DYTN: variants seen among roughly 807,000 people sequenced by gnomAD.
DYTN encodes the protein dystrotelin.
DYTN carries 75 observed loss-of-function variants against 69.6 expected under a neutral mutation model. The observed-to-expected ratio is 1.08, with a 90% CI of 0.89 to 1.31. The LOEUF (loss-of-function observed/expected upper bound fraction) is 1.31. Among genes scored for constraint, DYTN ranks in the 50% most tolerant of loss-of-function variants. The probability of loss-of-function intolerance (pLI) is 0.00; values close to 1 mark genes in which losing one functional copy is unlikely to be tolerated. For synonymous variants in DYTN, 252 were observed against 249.1 expected, an observed-to-expected ratio of 1.01 and a Z score of -0.11; for missense variants, 726 against 688.4, an observed-to-expected ratio of 1.05 and a Z score of -0.61.
chr2:206,707,167 A>C (rs758485744), intron 3 of DYTN, 135 bp downstream of exon 3: 1 of 1,106,752 alleles, frequency 9.0e-7, no homozygotes, highest in Non-Finnish European at 1.3e-6. Context: ...CTGAGGAATA[A>C]ATTTGTGAAA....
At chr2:206,713,571 T>C (rs1387971536) in intron 1 of DYTN, among the ~76,000 whole-genome samples, 1 of 152,048 alleles carries the variant, frequency 6.6e-6, no homozygotes, top group African/African-American at 2.4e-5. Flanking sequence ...CTTTGTAAAG[T>C]TGAGGGCATG....
intron 9 of DYTN, among the ~76,000 whole-genome samples, chr2:206,689,372 T>C (rs1699841530): frequency 6.6e-6 from 1 of 152,228 alleles, no homozygotes; most frequent in African/African-American, 2.4e-5. Context: ...TTTTTTACTA[T>C]TATTACATTG....
At chr2:206,705,765 A>G in intron 4 of DYTN, 23 bp downstream of exon 4, 1 of 1,610,408 alleles carries the variant, frequency 6.2e-7, no homozygotes, top group Non-Finnish European at 8.5e-7. Flanking sequence ...ACTTTAGGAC[A>G]CCCGCAGTCC....
chr2:206,703,635 A>G (rs537981455), intron 5 of DYTN, among the ~76,000 whole-genome samples: 2 of 152,368 alleles, frequency 1.3e-5, no homozygotes, highest in Admixed American at 6.5e-5. Context: ...AAATCAAAGC[A>G]AAGATAATTC....
chr2:206,680,997 T>C (rs1476544072), intron 9 of DYTN, among the ~76,000 whole-genome samples: 1 of 152,220 alleles, frequency 6.6e-6, no homozygotes, highest in Non-Finnish European at 1.5e-5. Flanking sequence ...ATATTGGTTC[T>C]TCTATTCATG....
intron 2 of DYTN, among the ~76,000 whole-genome samples, chr2:206,709,943 GAAAAGA>G (rs1486171989): frequency 1.3e-5 from 2 of 151,988 alleles, no homozygotes; most frequent in Non-Finnish European, 2.9e-5. Context: ...AACAGTAGGA[GAAAAGA>G]AAAGAAAAGA....
chr2:206,701,007 A>C (rs1699971295), intron 5 of DYTN: 1 of 152,152 alleles, frequency 6.6e-6, no homozygotes, highest in Admixed American at 6.6e-5. Flanking sequence ...TATCTAGTCT[A>C]TCACTGATGG....
intron 9 of DYTN, among the ~76,000 whole-genome samples, chr2:206,672,286 A>G (rs1461698340): frequency 6.6e-6 from 1 of 152,238 alleles, no homozygotes; most frequent in Non-Finnish European, 1.5e-5. Context: ...AGCAACTTTA[A>G]TAATGAAGGT....
intron 1 of DYTN, among the ~76,000 whole-genome samples, chr2:206,717,043 AAC>A (rs71852382): frequency 0.58 from 83,693 of 143,674 alleles, 26,314 homozygotes; most frequent in Non-Finnish European, 0.72. Flanking sequence ...TGCCGATGCA[AAC>A]ACACACACAC....
chr2:206,652,243 T>A (rs1699395886), intron 11 of DYTN, among the ~76,000 whole-genome samples: 1 of 152,166 alleles, frequency 6.6e-6, no homozygotes, highest in African/African-American at 2.4e-5. Flanking sequence ...AAAACAGATT[T>A]CTGGACCACA....
chr2:206,673,016 T>C (rs1043169946), intron 9 of DYTN, among the ~76,000 whole-genome samples: 9 of 152,180 alleles, frequency 5.9e-5, no homozygotes, highest in Non-Finnish European at 1.2e-4. Context: ...GCTGTACAGA[T>C]TATTTCATCA....
intron 5 of DYTN, among the ~76,000 whole-genome samples, 169 bp downstream of exon 5, chr2:206,704,674 T>C (rs1414579984): frequency 1.3e-5 from 2 of 152,214 alleles, no homozygotes; most frequent in Non-Finnish European, 2.9e-5. Context: ...CATAACCTTA[T>C]GAGTATAAGT....
chr2:206,703,472 T>G (rs78552982), intron 5 of DYTN, among the ~76,000 whole-genome samples: 14,391 of 152,024 alleles, frequency 0.095, 762 homozygotes, highest in African/African-American at 0.11. Flanking sequence ...CAACTACCAG[T>G]GCAGCTCAGA....
intron 9 of DYTN, among the ~76,000 whole-genome samples, chr2:206,678,845 T>C (rs960696798): frequency 1.3e-5 from 2 of 152,246 alleles, no homozygotes; most frequent in African/African-American, 2.4e-5. Context: ...TATAGCACTT[T>C]GTGATTTGAG....
chr2:206,714,502 G>A lies in DYTN; in HGVS notation c.19+3759C>T, dbSNP rs958917138. Among the ~76,000 whole-genome samples, 23 of 152,244 alleles carry A rather than the reference G, an allele frequency of 1.5e-4. No homozygotes were observed. In the East Asian group the frequency reaches 2.1e-3, roughly 14 times the overall value. ...CAGGCGTGAGCCACTGCGTAAAGAC[G>A]GCTCTTGAAGTCACCTCCACTCAGG... On this transcript the variant is annotated intron_variant, in intron 1 of 11. Coordinates refer to ENST00000452335, the MANE Select transcript of DYTN (RefSeq NM_001093730.1).
chr2:206,699,094 G>GGAT (rs957874367), intron 7 of DYTN, among the ~76,000 whole-genome samples: 15 of 152,176 alleles, frequency 9.9e-5, no homozygotes, highest in African/African-American at 3.6e-4. Flanking sequence ...AGTGTTGTTA[G>GGAT]GATGATGATG....
intron 7 of DYTN, among the ~76,000 whole-genome samples, chr2:206,698,172 T>C (rs944119091): frequency 1.5e-4 from 23 of 152,180 alleles, no homozygotes; most frequent in Admixed American, 3.3e-4. Flanking sequence ...GTATGAGGAT[T>C]TCTTTGTTCC....
chr2:206,695,000 A>T (rs879337854), intron 7 of DYTN, 123 bp from the exon 8 acceptor site: 3 of 631,188 alleles, frequency 4.8e-6, no homozygotes, highest in Admixed American at 3.5e-5. Flanking sequence ...CTGCCAAATC[A>T]GTGTAAAGTT....
At chr2:206,680,615 C>T (rs1699741270) in intron 9 of DYTN, among the ~76,000 whole-genome samples, 1 of 152,100 alleles carries the variant, frequency 6.6e-6, no homozygotes, top group Non-Finnish European at 1.5e-5. Flanking sequence ...GCAGAATGTT[C>T]GTAATCCTAC....
Sources: gnomAD v4.1 joint callset for allele counts (sites outside exome capture counted in the v4.1 genomes callset) on GRCh38, gnomAD v4.1.1 for gene constraint, MANE v1.5 for transcripts, NCBI Gene and HGNC (gene_info 2026-07-23, HGNC 2026-07-21) for gene names.